The following DMD variants were observed in gnomAD, a reference collection of about 807,000 sequenced individuals.
The protein encoded by DMD is dystrophin.
Under a neutral mutation model 330.1 loss-of-function variants are expected in DMD, and 63 were observed. The ratio of observed to expected loss-of-function variants is 0.19; its 90% CI spans 0.16 to 0.24. The LOEUF (loss-of-function observed/expected upper bound fraction) is 0.24, where lower values mean the gene tolerates loss of function less well. Ranked by LOEUF, DMD falls within the 10% of genes least tolerant of loss-of-function variation. The pLI is 1.00. For missense variants in DMD, 3,344 were observed against 2,684.1 expected (o/e 1.25, Z -5.43); for synonymous variants, 1,223 against 959.8 (o/e 1.27, Z -5.07).
At chrX:32,384,463 G>T (rs961845656) in intron 33 of DMD, among the ~76,000 whole-genome samples, 1 of 110,912 alleles carries the variant, frequency 9.0e-6, no homozygotes, top group Non-Finnish European at 1.9e-5. Flanking sequence ...TTGAGTATCA[G>T]TGTTTCTTAT....
intron 1 of DMD, among the ~76,000 whole-genome samples, chrX:33,102,703 G>A (rs778497253): frequency 1.7e-3 from 185 of 111,449 alleles, no homozygotes; most frequent in Non-Finnish European, 2.6e-3. Context: ...AGTCCATTCA[G>A]TCTTATAAGA....
chrX:31,630,084 GCCGCTTAC>G (rs1294351137), intron 54 of DMD, among the ~76,000 whole-genome samples: 2 of 111,942 alleles, frequency 1.8e-5, no homozygotes, highest in Non-Finnish European at 3.8e-5. Flanking sequence ...AACTAGAAAT[GCCGCTTAC>G]CCTCTGCTTC....
chrX:32,635,206 C>T (rs1193153367), intron 11 of DMD, among the ~76,000 whole-genome samples: 8 of 111,726 alleles, frequency 7.2e-5, no homozygotes, highest in Non-Finnish European at 1.5e-4. Flanking sequence ...TGCCATGTGA[C>T]TGCTGCCATG....
intron 22 of DMD, among the ~76,000 whole-genome samples, chrX:32,469,538 G>C (rs986043210): frequency 3.6e-5 from 4 of 110,322 alleles, no homozygotes; most frequent in Non-Finnish European, 3.8e-5. Context: ...AAGTTTTATA[G>C]TTTCATAGTA....
chrX:32,850,097 C>G (rs1453377566), intron 2 of DMD, among the ~76,000 whole-genome samples: 2 of 111,361 alleles, frequency 1.8e-5, no homozygotes, highest in Non-Finnish European at 3.8e-5. Flanking sequence ...AATATAGATT[C>G]TATGAAGGAG....
chrX:33,007,007 C>T (rs1000021982), intron 2 of DMD, among the ~76,000 whole-genome samples: 1 of 110,695 alleles, frequency 9.0e-6, no homozygotes, highest in Non-Finnish European at 1.9e-5. Flanking sequence ...GATCATTTCT[C>T]CCCAGATCCA....
chrX:31,513,030 C>T (rs2071795613), intron 55 of DMD, among the ~76,000 whole-genome samples: 1 of 102,811 alleles, frequency 9.7e-6, no homozygotes. Context: ...GTTTGTAGTT[C>T]TCCTTGAAGA....
chrX:33,026,588 G>T (rs2094009519), intron 1 of DMD, among the ~76,000 whole-genome samples: 2 of 110,585 alleles, frequency 1.8e-5, no homozygotes, highest in South Asian at 7.6e-4. Context: ...AGTGGAGGAG[G>T]CTGCAATGGA....
chrX:32,549,484 G>T lies in DMD; in HGVS notation c.1993-4150C>A, dbSNP rs143450068. Among the ~76,000 whole-genome samples the T allele has an allele frequency of 8.2e-3, 916 of 111,257 alleles. 3 individuals are homozygous for T. The highest frequency in any genetic ancestry group is 0.014 in the Non-Finnish European group (760 of 52,979). ...AGTTTGCACTGGGCCCACAAATTATGTAGCCAGTCCTGGTTTTGAGAATTA... is the reference window on the plus strand; with the variant it reads ...AGTTTGCACTGGGCCCACAAATTATTTAGCCAGTCCTGGTTTTGAGAATTA... On this transcript the variant is annotated intron_variant, in intron 16 of 78. Coordinates refer to ENST00000357033, the MANE Select transcript of DMD (RefSeq NM_004006.3).
intron 13 of DMD, among the ~76,000 whole-genome samples, chrX:32,584,467 C>T (rs757969032): frequency 9.0e-5 from 10 of 111,634 alleles, no homozygotes; most frequent in Non-Finnish European, 1.7e-4. Flanking sequence ...CAAAAATATA[C>T]GTACAATTTA....
chrX:32,950,891 G>A (rs760833950), intron 2 of DMD, among the ~76,000 whole-genome samples: 6 of 111,214 alleles, frequency 5.4e-5, no homozygotes, highest in Non-Finnish European at 7.5e-5. Flanking sequence ...GCTAGGTCCC[G>A]GGAGTAAAAG....
At chrX:31,564,519 G>A (rs1231393099) in intron 55 of DMD, among the ~76,000 whole-genome samples, 2 of 111,755 alleles carry the variant, frequency 1.8e-5, no homozygotes, top group South Asian at 3.7e-4. Flanking sequence ...GAATTGATTC[G>A]ACAGTGCATA....
chrX:32,033,298 G>C (rs1344670626), intron 44 of DMD, among the ~76,000 whole-genome samples: 1 of 111,064 alleles, frequency 9.0e-6, no homozygotes, highest in East Asian at 2.8e-4. Context: ...TAGCTCTAGA[G>C]ATCTGCTGTC....
chrX:31,293,204 AGTGTGTGTGTGT>A (rs559104990), intron 62 of DMD, among the ~76,000 whole-genome samples: 56 of 58,473 alleles, frequency 9.6e-4, no homozygotes, highest in Admixed American at 2.3e-3. Flanking sequence ...AGTCTGGTTT[AGTGTGTGTGTGT>A]GTGTGTGTGT....
chrX:31,679,088 A>C lies in DMD; in HGVS notation c.7872+287T>G, dbSNP rs73617097. ...AAAAATTAGCCAGGCGTGGTGGTAC[A>C]CGCCTGGCTAGTAGTCCCAGCTACT... On this transcript the variant is annotated intron_variant, in intron 53 of 78. Transcript: ENST00000357033. Among the ~76,000 whole-genome samples the C allele has an allele frequency of 0.021, 2,273 of 110,205 alleles. 62 individuals carry two copies. Among genetic ancestry groups the C allele is most frequent in the African/African-American group, 0.071 (2,133 of 30,215 alleles).
At chrX:32,503,164 T>G (rs1250308222) in intron 18 of DMD, among the ~76,000 whole-genome samples, 3 of 111,713 alleles carry the variant, frequency 2.7e-5, no homozygotes, top group Non-Finnish European at 5.6e-5. Context: ...GGAAGACTGC[T>G]TCAGTCCAGG....
chrX:32,766,217 T>TA (rs1392265406), intron 7 of DMD, among the ~76,000 whole-genome samples: 1 of 111,663 alleles, frequency 9.0e-6, no homozygotes, highest in Non-Finnish European at 1.9e-5. Context: ...TAGAGTTGTC[T>TA]ATTTCTGCAG....
intron 1 of DMD, among the ~76,000 whole-genome samples, chrX:33,269,258 T>TA (rs200184156): frequency 0.02 from 2,235 of 111,187 alleles, 21 homozygotes; most frequent in Non-Finnish European, 0.031. Context: ...TATGCAGCCA[T>TA]AAAAAAGAAC....
chrX:32,943,897 G>A (rs777612408), intron 2 of DMD, among the ~76,000 whole-genome samples: 1 of 111,859 alleles, frequency 8.9e-6, no homozygotes, highest in Admixed American at 9.5e-5. Flanking sequence ...AATATATGGG[G>A]TACATGTGTA....
Sources: gnomAD v4.1 joint callset for allele counts (sites outside exome capture counted in the v4.1 genomes callset) on GRCh38, gnomAD v4.1.1 for gene constraint, MANE v1.5 for transcripts, NCBI Gene and HGNC (gene_info 2026-07-23, HGNC 2026-07-21) for gene names.